Variants in CYYR1 observed in about 807,000 individuals in gnomAD.
CYYR1 encodes cysteine and tyrosine rich 1.
CYYR1 carries 14 observed loss-of-function variants against 15.2 expected under a neutral mutation model. The observed-to-expected ratio is 0.92, with a 90% confidence interval of 0.61 to 1.44. CYYR1 has a LOEUF of 1.44. Among genes scored for constraint, CYYR1 ranks in the 40% most tolerant of loss-of-function variants. The pLI is 0.00. For synonymous variants in CYYR1, 80 were observed against 77.4 expected, an observed-to-expected ratio of 1.03 and a Z score of -0.18; for missense variants, 228 against 209.5, an observed-to-expected ratio of 1.09 and a Z score of -0.54.
intron 1 of CYYR1, chr21:26,568,214 AG>A (rs1283275565): frequency 3.3e-5 from 5 of 152,204 alleles, no homozygotes; most frequent in Non-Finnish European, 2.9e-5. Flanking sequence ...TCTCATTTTT[AG>A]TGCTGTTTAA....
intron 2 of CYYR1, among the ~76,000 whole-genome samples, chr21:26,514,582 T>A (rs1044376359): frequency 3.3e-5 from 5 of 152,200 alleles, no homozygotes; most frequent in African/African-American, 1.2e-4. Context: ...TATAAATTAC[T>A]CGGCCTCAGC....
At chr21:26,487,709 CGTA>C (rs2065269655) in intron 2 of CYYR1, among the ~76,000 whole-genome samples, 2 of 151,842 alleles carry the variant, frequency 1.3e-5, no homozygotes, top group Non-Finnish European at 2.9e-5. Context: ...TTATATTAAT[CGTA>C]GGATCTCAGA....
At chr21:26,562,718 C>T (rs1980289950) in intron 2 of CYYR1, among the ~76,000 whole-genome samples, 1 of 144,376 alleles carries the variant, frequency 6.9e-6, no homozygotes, top group South Asian at 2.2e-4. Context: ...CCCTAAACAT[C>T]TCCTCCTAAA....
intron 2 of CYYR1, among the ~76,000 whole-genome samples, chr21:26,488,475 A>G (rs142618475): frequency 9.8e-4 from 149 of 151,906 alleles, no homozygotes; most frequent in African/African-American, 3.5e-3. Flanking sequence ...CTGGTCTCCA[A>G]CTCCTGAGGT....
At chr21:26,567,264 G>A (rs1980699771) in intron 1 of CYYR1, among the ~76,000 whole-genome samples, 1 of 152,150 alleles carries the variant, frequency 6.6e-6, no homozygotes, top group Non-Finnish European at 1.5e-5. Flanking sequence ...AAGATGATTG[G>A]TTATAGGAAG....
chr21:26,511,796 T>C (rs1442407584), intron 2 of CYYR1, among the ~76,000 whole-genome samples: 1 of 152,218 alleles, frequency 6.6e-6, no homozygotes, highest in Non-Finnish European at 1.5e-5. Flanking sequence ...CCTTTTATTC[T>C]TTTAAGACAC....
At chr21:26,495,194 C>T (rs1243333152) in intron 2 of CYYR1, among the ~76,000 whole-genome samples, 1 of 152,128 alleles carries the variant, frequency 6.6e-6, no homozygotes, top group African/African-American at 2.4e-5. Flanking sequence ...GTTATCACTT[C>T]AGATAGAGAT....
Position 26,529,836 on chromosome 21 carries a change from T to C in CYYR1, c.176+36430A>G, listed in dbSNP as rs906768060. Reference sequence around the variant, plus strand: ...AATGATGGAGGGGCAGAGCTGTGTATTCACAGAGGTTACAGAGTTAGCCCT... The same window carrying C: ...AATGATGGAGGGGCAGAGCTGTGTACTCACAGAGGTTACAGAGTTAGCCCT... On this transcript the variant is annotated intron_variant, in intron 2 of 3. Coordinates refer to ENST00000652641, the MANE Select transcript of CYYR1 (RefSeq NM_001320768.2). Among the ~76,000 whole-genome samples the C allele has an allele frequency of 5.3e-5, 8 of 152,210 alleles. 1 individual carries two copies. The highest frequency in any genetic ancestry group is 1.9e-4 in the African/African-American group (8 of 41,456).
intron 1 of CYYR1, among the ~76,000 whole-genome samples, chr21:26,572,001 T>G (rs1020475343): frequency 3.9e-5 from 6 of 152,232 alleles, no homozygotes; most frequent in African/African-American, 1.4e-4. Context: ...TCATTTCAGT[T>G]GCAATATCTT....
intron 2 of CYYR1, among the ~76,000 whole-genome samples, chr21:26,483,923 T>C (rs533750202): frequency 6.6e-6 from 1 of 152,122 alleles, no homozygotes; most frequent in African/African-American, 2.4e-5. Flanking sequence ...TTGTCATGAG[T>C]CTTGTGCTCC....
intron 3 of CYYR1, chr21:26,477,522 G>A (rs139079530): frequency 6.3e-4 from 139 of 220,724 alleles, no homozygotes; most frequent in African/African-American, 2.9e-3. Flanking sequence ...ACATATTTCC[G>A]TCGGCTAATT....
rs1298127044 is a variant in CYYR1 at position 26,468,648 on chromosome 21, G to A, written c.335-14C>T. The A allele has an allele frequency of 1.3e-6, 2 of 1,573,724 alleles. No homozygotes were observed. The highest frequency in any genetic ancestry group is 2.3e-5 in the South Asian group (2 of 87,290). The stretch of plus-strand genomic sequence containing the variant: ...GTGGTGGTCCTGCTGAAAAAGAAGG[G>A]GAAGAGAACATCAAGGAGTTAGCAA... On this transcript the variant is annotated splice_polypyrimidine_tract_variant and intron_variant, in intron 3 of 3. Coordinates refer to ENST00000652641, the MANE Select transcript of CYYR1 (RefSeq NM_001320768.2).
chr21:26,513,828 A>G (rs1335922307), intron 2 of CYYR1, among the ~76,000 whole-genome samples: 2 of 146,030 alleles, frequency 1.4e-5, no homozygotes, highest in African/African-American at 5.1e-5. Flanking sequence ...AAAACCAAAC[A>G]CCGCATGTTC....
intron 2 of CYYR1, among the ~76,000 whole-genome samples, chr21:26,532,726 C>A (rs116915435): frequency 0.05 from 7,559 of 151,956 alleles, 223 homozygotes; most frequent in Middle Eastern, 0.054. Flanking sequence ...TACTTATGTA[C>A]GAATAAGTGT....
chr21:26,469,650 T>C (rs2065010064), intron 3 of CYYR1, among the ~76,000 whole-genome samples: 1 of 152,076 alleles, frequency 6.6e-6, no homozygotes, highest in Non-Finnish European at 1.5e-5. Context: ...GTATCCTCCT[T>C]CTACCCATTT....
chr21:26,553,875 G>T (rs1476903153), intron 2 of CYYR1, among the ~76,000 whole-genome samples: 2 of 152,120 alleles, frequency 1.3e-5, no homozygotes, highest in Non-Finnish European at 2.9e-5. Context: ...AAGCCAACAG[G>T]CTGAATAAAA....
intron 2 of CYYR1, among the ~76,000 whole-genome samples, chr21:26,538,140 T>G (rs925047190): frequency 3.9e-5 from 6 of 152,226 alleles, no homozygotes; most frequent in Admixed American, 3.9e-4. Flanking sequence ...TGCAACTAAC[T>G]GGTTTCTAAC....
At chr21:26,513,194 T>A (rs2065674248) in intron 2 of CYYR1, among the ~76,000 whole-genome samples, 1 of 152,190 alleles carries the variant, frequency 6.6e-6, no homozygotes, top group South Asian at 2.1e-4. Context: ...ATTCACAGGG[T>A]GCTTTGTACT....
At chr21:26,557,725 TTTACTCCCAGACCTATATGTGATGTTTCA>T (rs1185147978) in intron 2 of CYYR1, among the ~76,000 whole-genome samples, 12 of 152,258 alleles carry the variant, frequency 7.9e-5, no homozygotes, top group Admixed American at 7.9e-4. Context: ...CTCCAGGCTT[TTTACTCCCAGACCTATATGTGATGTTTCA>T]TGCTCTCCAC....
Sources: gnomAD v4.1 joint callset for allele counts (sites outside exome capture counted in the v4.1 genomes callset) on GRCh38, gnomAD v4.1.1 for gene constraint, MANE v1.5 for transcripts, NCBI Gene and HGNC (gene_info 2026-07-23, HGNC 2026-07-21) for gene names.